The following NAT8L variants were observed in gnomAD, a reference collection of about 807,000 sequenced individuals.
NAT8L encodes the protein N-acetylaspartate synthetase.
NAT8L carries 6 observed loss-of-function variants against 21.2 expected under a neutral mutation model. The ratio of observed to expected loss-of-function variants is 0.28; its 90% CI spans 0.16 to 0.56. The LOEUF is 0.56. Ranked by LOEUF, NAT8L falls within the 20% of genes least tolerant of loss-of-function variation. The probability of loss-of-function intolerance (pLI) is 0.93; values close to 1 mark genes in which losing one functional copy is unlikely to be tolerated. For missense variants in NAT8L, 331 were observed against 433.3 expected (o/e 0.76, Z 2.10); for synonymous variants, 239 against 204.9 (o/e 1.17, Z -1.42).
rs140097006 is a variant in NAT8L at position 2,063,237 on chromosome 4, G to C, written c.542-523G>C. 8.1e-3 allele frequency among the ~76,000 whole-genome samples: 1,236 copies of C among 152,396 alleles called. 27 individuals carry two copies. Among genetic ancestry groups the C allele is most frequent in the African/African-American group, 0.027 (1,136 of 41,598 alleles). Reference sequence around the variant, plus strand: ...CTGCCCTTTGCGGCCCTCTGCTGTGGGTGCTGGAGTTTGCCGTGATGGCCC... The same window carrying C: ...CTGCCCTTTGCGGCCCTCTGCTGTGCGTGCTGGAGTTTGCCGTGATGGCCC... On this transcript the variant is annotated intron_variant, in intron 2 of 2. Coordinates refer to ENST00000423729, the MANE Select transcript of NAT8L (RefSeq NM_178557.4).
intron 2 of NAT8L, 83 bp downstream of exon 2, chr4:2,061,245 TG>T: frequency 6.3e-7 from 1 of 1,579,282 alleles, no homozygotes; most frequent in East Asian, 2.3e-5. Context: ...AGGGCAGGCC[TG>T]GGCGAGGGCC....
At position 2,064,202 on chromosome 4, in the gene NAT8L, C is replaced by A; in HGVS notation, c.*75C>A. 1 of 1,063,880 alleles carries A rather than the reference C, an allele frequency of 9.4e-7. No individual in the cohort carries two copies. Among genetic ancestry groups the A allele is most frequent in the Non-Finnish European group, 1.2e-6 (1 of 853,374 alleles). 65.9% of individuals were successfully genotyped at this position (1,063,880 alleles called of 1,614,324 possible). ...CCGCCTGCCCGCCGCCCGGCGCGGC[C>A]TGCTTTCAGACGCTCAATTGGCGTT... On this transcript the variant is annotated 3_prime_UTR_variant, in exon 3 of 3. Transcript: ENST00000423729.
chr4:2,061,767 T>C (rs148001520), intron 2 of NAT8L, among the ~76,000 whole-genome samples: 81 of 152,178 alleles, frequency 5.3e-4, no homozygotes, highest in African/African-American at 1.8e-3. Flanking sequence ...GCCACACCGG[T>C]TCCCCCATGC....
Position 2,059,945 on chromosome 4 carries a change from G to C in NAT8L, c.376+58G>C. The C allele has an allele frequency of 9.7e-7, 1 of 1,028,658 alleles. No individual in the cohort carries two copies. Among genetic ancestry groups the C allele is most frequent in the Non-Finnish European group, 1.2e-6 (1 of 830,098 alleles). The allele number at this position is 1,028,658 out of a possible 1,614,324, so 63.7% of individuals were successfully genotyped here. ...CCTCGGGCCGGCGCGGAGCTCCCCC[G>C]CCCCGGCGTCCACGCGGACCCCGCG... is the stretch of plus-strand genomic sequence containing the variant. On this transcript the variant is annotated intron_variant, in intron 1 of 2. Transcript: ENST00000423729. The surrounding 1 kb of genome is among the most constrained non-coding windows in gnomAD (Gnocchi z 4.8).
chr4:2,061,340 G>C (rs1729885886), intron 2 of NAT8L, among the ~76,000 whole-genome samples, 178 bp downstream of exon 2: 1 of 152,240 alleles, frequency 6.6e-6, no homozygotes, highest in South Asian at 2.1e-4. Flanking sequence ...GGCTGGGGGA[G>C]GCACGGCCGG....
intron 2 of NAT8L, among the ~76,000 whole-genome samples, chr4:2,061,972 C>T (rs1157792287): frequency 6.6e-6 from 1 of 152,196 alleles, no homozygotes; most frequent in Non-Finnish European, 1.5e-5. Flanking sequence ...GCGCCACGGC[C>T]TTGGTGCCTG....
At position 2,060,955 on chromosome 4, in the gene NAT8L, G is replaced by A. The variant is rs1415356377; in HGVS notation, c.377-43G>A. 8 of 1,212,690 alleles carry A rather than the reference G, an allele frequency of 6.6e-6. No individual in the cohort carries two copies. Among genetic ancestry groups the A allele is most frequent in the Non-Finnish European group, 9.1e-6 (8 of 874,464 alleles). The allele number at this position is 1,212,690 out of a possible 1,614,324, so 75.1% of individuals were successfully genotyped here. Reference sequence around the variant, plus strand: ...CGCCGGGGTGGCGTCTCTGGGGCCTGGGGACCCCCGCCGCGCCGCTGACCC... The same window carrying A: ...CGCCGGGGTGGCGTCTCTGGGGCCTAGGGACCCCCGCCGCGCCGCTGACCC... On this transcript the variant is annotated intron_variant, in intron 1 of 2. Transcript: ENST00000423729. The surrounding 1 kb of genome is among the most constrained non-coding windows in gnomAD (Gnocchi z 4.7).
intron 2 of NAT8L, among the ~76,000 whole-genome samples, chr4:2,062,890 A>C (rs1273716625): frequency 6.6e-6 from 1 of 152,068 alleles, no homozygotes; most frequent in African/African-American, 2.4e-5. Context: ...TCTGGGTGCC[A>C]CCTCTGCCTT....
At chr4:2,061,283 C>T (rs1038852207) in intron 2 of NAT8L, 121 bp downstream of exon 2, 3 of 1,503,168 alleles carry the variant, frequency 2.0e-6, no homozygotes, top group East Asian at 2.5e-5. Flanking sequence ...AGCCGGGGCC[C>T]CTGTGACCTG....
At position 2,063,893 on chromosome 4, in the gene NAT8L, C is replaced by A. The variant is rs1282593387; in HGVS notation, c.675C>A (p.Ala225=). 3 of 1,612,394 alleles carry A rather than the reference C, an allele frequency of 1.9e-6. No homozygotes were observed. The highest frequency in any genetic ancestry group is 2.5e-6 in the Non-Finnish European group (3 of 1,179,946). Residue 225 remains alanine, a synonymous_variant, in exon 3 of 3, where the codon GCC becomes GCA. Coordinates refer to ENST00000423729, the MANE Select transcript of NAT8L (RefSeq NM_178557.4). The part of the protein sequence containing the change: ...VDSRFRGKGI[A]KALGRKVLEF... ...CACGTTTCCGAGGCAAGGGCATCGC[C>A]AAGGCGCTGGGCCGGAAGGTGCTGG...
In NAT8L at chr4:2,060,449, G is replaced by A. The variant is rs1729831637; in HGVS notation, c.377-549G>A. ...TGAGGCGCTTGAGGCCGCGTAGGGA[G>A]GACGCGACTCCCCCAAGGTCACGGC... On this transcript the variant is annotated intron_variant, in intron 1 of 2. Coordinates refer to ENST00000423729, the MANE Select transcript of NAT8L (RefSeq NM_178557.4). This position sits in a 1 kb window ranked among gnomAD's most constrained non-coding sequence, Gnocchi z 4.7. Among the ~76,000 whole-genome samples the A allele has an allele frequency of 6.6e-6, 1 of 152,192 alleles. No individual in the cohort carries two copies. The highest frequency in any genetic ancestry group is 2.4e-5 in the African/African-American group (1 of 41,462).
At chr4:2,062,099 A>G (rs927135803) in intron 2 of NAT8L, among the ~76,000 whole-genome samples, 12 of 152,266 alleles carry the variant, frequency 7.9e-5, no homozygotes, top group African/African-American at 2.6e-4. Context: ...CCACAGCAAC[A>G]CAGGGGGCTC....
rs771204097 is a variant in NAT8L at position 2,064,119 on chromosome 4, G to A, written c.901G>A (p.Glu301Lys). Residue 301 changes from glutamate to lysine, a missense_variant, in exon 3 of 3, where the codon GAG becomes AAG. This residue lies in a region of NAT8L where 132 missense variants were observed against 237.1 expected (regional missense o/e 0.56). Coordinates refer to ENST00000423729, the MANE Select transcript of NAT8L (RefSeq NM_178557.4). ...RYHRYRLQLREE is the reference protein window; with the variant it reads ...RYHRYRLQLRKE ...CCACCGCTACCGCCTGCAGCTGCGCGAGGAGTGACCGCCGCCGCTCGCCCG... is the reference window on the plus strand; with the variant it reads ...CCACCGCTACCGCCTGCAGCTGCGCAAGGAGTGACCGCCGCCGCTCGCCCG... 6.3e-7 allele frequency: 1 copy of A among 1,584,238 alleles called. No homozygotes were observed. Among genetic ancestry groups the A allele is most frequent in the East Asian group, 2.3e-5 (1 of 43,576 alleles).
chr4:2,060,187 G>A lies in NAT8L; in HGVS notation c.376+300G>A, dbSNP rs1467023632. 5.3e-5 allele frequency among the ~76,000 whole-genome samples: 8 copies of A among 152,022 alleles called. No individual in the cohort carries two copies. Among genetic ancestry groups the A allele is most frequent in the Admixed American group, 5.2e-4 (8 of 15,290 alleles). ...CATCCTGGGTGGGGGCGGGTGCCAG[G>A]GCAGGTAGCGCCCGCCGCGGCTGGG... On this transcript the variant is annotated intron_variant, in intron 1 of 2. Transcript: ENST00000423729. The surrounding 1 kb of genome is among the most constrained non-coding windows in gnomAD (Gnocchi z 4.7).
Position 2,059,686 on chromosome 4 carries a change from C to T in NAT8L, c.175C>T (p.Pro59Ser), listed in dbSNP as rs1729813908. The T allele has an allele frequency of 9.7e-7, 1 of 1,034,464 alleles. No individual in the cohort carries two copies. Among genetic ancestry groups the T allele is most frequent in the Admixed American group, 5.8e-5 (1 of 17,182 alleles). 64.1% of individuals were successfully genotyped at this position (1,034,464 alleles called of 1,614,324 possible). ...AAAPPAPPPAPVAQPHGGAGG... is the reference protein window; with the variant it reads ...AAAPPAPPPASVAQPHGGAGG... ...CGCGCCCCCCGCGCCCCCACCTGCCCCGGTGGCTCAGCCTCACGGCGGGGC... is the reference window on the plus strand; with the variant it reads ...CGCGCCCCCCGCGCCCCCACCTGCCTCGGTGGCTCAGCCTCACGGCGGGGC... Residue 59 changes from proline (P) to serine (S), a missense_variant, in exon 1 of 3, where the codon CCG (proline) becomes TCG (serine). Physicochemically the swap from Pro to Ser is moderately conservative, Grantham distance 74. Around this residue, in one of 2 missense-constraint regions of NAT8L, gnomAD observed 199 missense variants for 196.1 expected, o/e 1.01. Coordinates refer to ENST00000423729, the MANE Select transcript of NAT8L (RefSeq NM_178557.4). The surrounding 1 kb of genome is among the most constrained non-coding windows in gnomAD (Gnocchi z 4.8).
rs1729986136 is a variant in NAT8L at position 2,065,769 on chromosome 4, T to C, written c.*1642T>C. ...TGTACAGACCCCACTCCCCTGTACATTCCTCCCTGGAGGTGCCCGGTCCCC... is the reference window on the plus strand; with the variant it reads ...TGTACAGACCCCACTCCCCTGTACACTCCTCCCTGGAGGTGCCCGGTCCCC... On this transcript the variant is annotated 3_prime_UTR_variant, in exon 3 of 3. Transcript: ENST00000423729. 1 of 152,496 alleles carries C rather than the reference T, an allele frequency of 6.6e-6. No homozygotes were observed. The highest frequency in any genetic ancestry group is 1.5e-5 in the Non-Finnish European group (1 of 68,062). 9.4% of individuals were successfully genotyped at this position (152,496 alleles called of 1,614,324 possible). A position where few individuals can be genotyped will look rare whatever the true frequency, so the allele number is the denominator to read the frequency against.
chr4:2,059,990 C>A lies in NAT8L; in HGVS notation c.376+103C>A. On this transcript the variant is annotated intron_variant, in intron 1 of 2. Transcript: ENST00000423729. This position sits in a 1 kb window ranked among gnomAD's most constrained non-coding sequence, Gnocchi z 4.8. ...CCCGCGCCCGGCTCCCGGGGACCAG[C>A]CTGGGAAGCCCCCCGCTTTCTGCCG... The A allele has an allele frequency of 1.6e-6, 1 of 628,978 alleles. No individual in the cohort carries two copies. The highest frequency in any genetic ancestry group is 2.1e-6 in the Non-Finnish European group (1 of 472,206). 39.0% of individuals were successfully genotyped at this position (628,978 alleles called of 1,614,324 possible).
At position 2,060,478 on chromosome 4, in the gene NAT8L, C is replaced by G. The variant is rs1269595524; in HGVS notation, c.377-520C>G. 2.0e-5 allele frequency among the ~76,000 whole-genome samples: 3 copies of G among 152,204 alleles called. 1 individual carries two copies. The South Asian group carries it at 6.2e-4, about 31-fold the overall frequency. ...GCGACTCCCCCAAGGTCACGGCAGC[C>G]GAAATGCGGCTGGAAGCGGTGTGGG... On this transcript the variant is annotated intron_variant, in intron 1 of 2. Transcript: ENST00000423729. The surrounding 1 kb of genome is among the most constrained non-coding windows in gnomAD (Gnocchi z 4.7).
At position 2,064,046 on chromosome 4, in the gene NAT8L, G is replaced by A. The variant is rs547200153; in HGVS notation, c.828G>A (p.Pro276=). The A allele has an allele frequency of 2.7e-5, 43 of 1,611,022 alleles. No homozygotes were observed. In the African/African-American group the frequency reaches 3.3e-4, roughly 12 times the overall value. Residue 276 remains proline (P), a synonymous_variant, in exon 3 of 3, where the codon CCG becomes CCA. Transcript: ENST00000423729. ...HMGASDHYVL[P]GMTLSLAERL... ...GCGCCAGTGACCACTACGTGCTGCC[G>A]GGCATGACCCTCTCGCTGGCTGAGC...
Sources: gnomAD v4.1 joint callset for allele counts (sites outside exome capture counted in the v4.1 genomes callset) on GRCh38, gnomAD v4.1.1 for gene constraint, gnomAD v4.1.1 regional missense constraint, Gnocchi (gnomAD v3.1) non-coding constraint, MANE v1.5 for transcripts, NCBI Gene and HGNC (gene_info 2026-07-23, HGNC 2026-07-21) for gene names.